The following PHACTR1 variants were observed in gnomAD, a reference collection of about 807,000 sequenced individuals.
PHACTR1 encodes RPEL repeat containing 1.
In PHACTR1, 16 loss-of-function variants were observed where a neutral mutation model predicts 69.2. The observed-to-expected ratio is 0.23, with a 90% confidence interval of 0.16 to 0.35. The LOEUF (loss-of-function observed/expected upper bound fraction) is 0.35, where lower values mean the gene tolerates loss of function less well. Ranked by LOEUF, PHACTR1 falls within the 10% of genes least tolerant of loss-of-function variation. The pLI is 1.00. For synonymous variants in PHACTR1, 312 were observed against 284.5 expected (o/e 1.10, Z -0.97); for missense variants, 510 against 734.7 (o/e 0.69, Z 3.54).
chr6:12,954,732 C>T (rs894387416), intron 4 of PHACTR1, among the ~76,000 whole-genome samples: 3 of 152,170 alleles, frequency 2.0e-5, no homozygotes, highest in African/African-American at 7.2e-5. Flanking sequence ...CAATTCCAGG[C>T]TTATTTGATG....
chr6:12,733,303 C>T (rs1215629469), intron 3 of PHACTR1, among the ~76,000 whole-genome samples: 1 of 152,186 alleles, frequency 6.6e-6, no homozygotes, highest in Non-Finnish European at 1.5e-5. Flanking sequence ...ACAGGAAAAG[C>T]AAACACTGTT....
At chr6:13,268,857 C>T (rs1025998497) in intron 10 of PHACTR1, among the ~76,000 whole-genome samples, 7 of 152,164 alleles carry the variant, frequency 4.6e-5, no homozygotes, top group African/African-American at 1.7e-4. Context: ...CAGTCGCTTT[C>T]CAGAGAAATG....
chr6:12,823,516 A>G (rs1388667710), intron 4 of PHACTR1, among the ~76,000 whole-genome samples: 4 of 152,212 alleles, frequency 2.6e-5, no homozygotes, highest in Admixed American at 2.6e-4. Context: ...GTTATTACAA[A>G]CATAACAAGC....
At chr6:12,746,583 C>A (rs1420629036) in intron 3 of PHACTR1, among the ~76,000 whole-genome samples, 3 of 152,102 alleles carry the variant, frequency 2.0e-5, no homozygotes, top group Non-Finnish European at 4.4e-5. Context: ...TTTCTATGCC[C>A]ATTTTTGTCA....
At chr6:13,254,713 C>T (rs904045622) in intron 10 of PHACTR1, among the ~76,000 whole-genome samples, 3 of 152,328 alleles carry the variant, frequency 2.0e-5, no homozygotes, top group Admixed American at 1.3e-4. Context: ...CAGAATCCTT[C>T]TCAACACAGA....
In PHACTR1 at chr6:12,921,756, G is replaced by A. The variant is rs550597906; in HGVS notation, c.251-131609G>A. ...GAGAGGGAGGGAGGAGGAAAGGAAG[G>A]AAGGAAGAAGGAAGGGAGAGAAACA... On this transcript the variant is annotated intron_variant, in intron 4 of 14. Transcript: ENST00000332995. Among the ~76,000 whole-genome samples, 341 of 138,662 alleles carry A rather than the reference G, an allele frequency of 2.5e-3. 3 individuals carry two copies. The highest frequency in any genetic ancestry group is 8.7e-3 in the African/African-American group (325 of 37,336). The allele number at this position is 138,662 out of a possible 152,430, so 91.0% of individuals were successfully genotyped here.
At chr6:12,795,476 T>C (rs1333175315) in intron 4 of PHACTR1, among the ~76,000 whole-genome samples, 1 of 152,188 alleles carries the variant, frequency 6.6e-6, no homozygotes, top group Admixed American at 6.5e-5. Context: ...GATTTAATGC[T>C]CCTGGGGAAG....
At chr6:13,165,317 C>G (rs966526250) in intron 6 of PHACTR1, among the ~76,000 whole-genome samples, 1 of 151,958 alleles carries the variant, frequency 6.6e-6, no homozygotes, top group Non-Finnish European at 1.5e-5. Flanking sequence ...TTATTTATTC[C>G]TCAATCTTAT....
At chr6:12,985,202 A>C (rs1193526628) in intron 4 of PHACTR1, among the ~76,000 whole-genome samples, 1 of 152,140 alleles carries the variant, frequency 6.6e-6, no homozygotes, top group Non-Finnish European at 1.5e-5. Flanking sequence ...TCTCTATTTC[A>C]CACCTCATCT....
intron 5 of PHACTR1, among the ~76,000 whole-genome samples, chr6:13,087,235 A>T (rs567103208): frequency 2.7e-5 from 4 of 150,098 alleles, no homozygotes; most frequent in African/African-American, 9.7e-5. Context: ...AATTACATAC[A>T]GTAGCTTAAA....
rs866396707 is a variant in PHACTR1, at chr6:13,019,076, T to A, written c.251-34289T>A. Among the ~76,000 whole-genome samples the A allele has an allele frequency of 2.7e-4, 40 of 147,308 alleles. 1 individual carries two copies. Among genetic ancestry groups the A allele is most frequent in the South Asian group, 8.6e-4 (4 of 4,654 alleles). On this transcript the variant is annotated intron_variant, in intron 4 of 14. Transcript: ENST00000332995. ...GAAATATATATATATATATATATATTTTTTCTTTTTCTTTTTGTAGAGACA... is the reference window on the plus strand; with the variant it reads ...GAAATATATATATATATATATATATATTTTCTTTTTCTTTTTGTAGAGACA...
At chr6:12,841,517 T>C (rs1050171332) in intron 4 of PHACTR1, among the ~76,000 whole-genome samples, 1 of 152,236 alleles carries the variant, frequency 6.6e-6, no homozygotes, top group Non-Finnish European at 1.5e-5. Flanking sequence ...GAGCATCAGA[T>C]ATCAAGATTT....
intron 5 of PHACTR1, among the ~76,000 whole-genome samples, chr6:13,144,601 C>T (rs1330352746): frequency 6.6e-6 from 1 of 151,566 alleles, no homozygotes; most frequent in Non-Finnish European, 1.5e-5. Flanking sequence ...CAAACTGATT[C>T]TAAAATATGT....
Position 13,287,234 on chromosome 6 carries a change from TTA to T in PHACTR1, c.*158_*159del, listed in dbSNP as rs1781866699. 1.6e-5 allele frequency: 14 copies of T among 852,536 alleles called. No homozygotes were observed. Among genetic ancestry groups the T allele is most frequent in the Non-Finnish European group, 2.1e-5 (12 of 563,974 alleles). The allele number at this position is 852,536 out of a possible 1,614,324, so 52.8% of individuals were successfully genotyped here. ...AAATCAAGGAAACACAATCAGGATT[TTA>T]TGTGTGAAAACGCAAAAGTGATGGC... On this transcript the variant is annotated 3_prime_UTR_variant, in exon 15 of 15. Coordinates refer to ENST00000332995, the MANE Select transcript of PHACTR1 (RefSeq NM_030948.6).
At chr6:13,008,478 A>G (rs887896771) in intron 4 of PHACTR1, among the ~76,000 whole-genome samples, 1 of 152,222 alleles carries the variant, frequency 6.6e-6, no homozygotes, top group Non-Finnish European at 1.5e-5. Flanking sequence ...AGCTCTGATC[A>G]CATCTCCTTG....
intron 4 of PHACTR1, among the ~76,000 whole-genome samples, chr6:12,936,609 T>C (rs1789478394): frequency 6.6e-6 from 1 of 152,224 alleles, no homozygotes; most frequent in South Asian, 2.1e-4. Flanking sequence ...CAAGCACATG[T>C]TCCATAGGAT....
At chr6:13,255,382 C>A (rs1442670909) in intron 10 of PHACTR1, among the ~76,000 whole-genome samples, 2 of 152,150 alleles carry the variant, frequency 1.3e-5, no homozygotes, top group Non-Finnish European at 2.9e-5. Context: ...GGACACAGAT[C>A]CAAACCATAT....
intron 5 of PHACTR1, among the ~76,000 whole-genome samples, chr6:13,129,594 C>G (rs61083657): frequency 2.1e-4 from 32 of 152,144 alleles, no homozygotes; most frequent in African/African-American, 7.2e-4. Context: ...AATAGTCCAG[C>G]AGGAAAGTAT....
chr6:12,890,092 TCTC>T lies in PHACTR1; in HGVS notation c.250+140305_250+140307del, dbSNP rs528235512. Among the ~76,000 whole-genome samples, 591 of 152,236 alleles carry T rather than the reference TCTC, an allele frequency of 3.9e-3. 17 individuals are homozygous for T. The highest frequency in any genetic ancestry group is 0.036 in the Admixed American group (543 of 15,276). On this transcript the variant is annotated intron_variant, in intron 4 of 14. Transcript: ENST00000332995. ...AGTGAGCATTCCCGCCTGAGCTCCA[TCTC>T]CTACCAAATCAGCAGCAGCATTAGA... is the stretch of plus-strand genomic sequence containing the variant.
Sources: gnomAD v4.1 joint callset for allele counts (sites outside exome capture counted in the v4.1 genomes callset) on GRCh38, gnomAD v4.1.1 for gene constraint, MANE v1.5 for transcripts, NCBI Gene and HGNC (gene_info 2026-07-23, HGNC 2026-07-21) for gene names.